The following CDH13 variants were observed in gnomAD, a reference collection of about 807,000 sequenced individuals.
CDH13 encodes the protein cadherin 13.
Under a neutral mutation model 63.8 loss-of-function variants are expected in CDH13, and 24 were observed. The observed-to-expected ratio is 0.38, with a 90% confidence interval of 0.27 to 0.53. The LOEUF (loss-of-function observed/expected upper bound fraction) is 0.53. Among genes scored for constraint, CDH13 ranks in the 20% least tolerant of loss-of-function variants. The pLI, the probability that CDH13 is intolerant of heterozygous loss-of-function variation, is 0.85. For missense variants in CDH13, 1,049 were observed against 903.1 expected (o/e 1.16, Z -2.07); for synonymous variants, 503 against 355.3 (o/e 1.42, Z -4.67).
chr16:82,673,435 A>T (rs915851362), intron 1 of CDH13, among the ~76,000 whole-genome samples: 2 of 152,164 alleles, frequency 1.3e-5, no homozygotes, highest in South Asian at 2.1e-4. Flanking sequence ...GGGAATTAAA[A>T]TTTTTTGCAC....
intron 6 of CDH13, among the ~76,000 whole-genome samples, chr16:83,462,570 G>A (rs2073208316): frequency 6.6e-6 from 1 of 152,188 alleles, no homozygotes; most frequent in Non-Finnish European, 1.5e-5. Flanking sequence ...GGCCAACATG[G>A]TGAAACCCCA....
intron 3 of CDH13, among the ~76,000 whole-genome samples, chr16:83,108,034 G>C (rs1017323352): frequency 6.6e-6 from 1 of 152,030 alleles, no homozygotes; most frequent in Non-Finnish European, 1.5e-5. Flanking sequence ...TCTTGGACAG[G>C]CTGGTCTTGA....
At chr16:83,320,533 C>A (rs1009749877) in intron 5 of CDH13, among the ~76,000 whole-genome samples, 2 of 152,116 alleles carry the variant, frequency 1.3e-5, no homozygotes, top group African/African-American at 2.4e-5. Context: ...ATCAGATAAT[C>A]GTCTAAAAAT....
intron 1 of CDH13, among the ~76,000 whole-genome samples, chr16:82,684,110 G>A (rs1332486012): frequency 6.6e-6 from 1 of 152,192 alleles, no homozygotes; most frequent in Admixed American, 6.5e-5. Context: ...AACCAGACAG[G>A]GAGTTAGAGG....
At chr16:82,658,013 G>T (rs914557826) in intron 1 of CDH13, among the ~76,000 whole-genome samples, 2 of 152,340 alleles carry the variant, frequency 1.3e-5, no homozygotes, top group Non-Finnish European at 2.9e-5. Flanking sequence ...AGGAAAGCTA[G>T]TTTCCTACCA....
At chr16:83,039,567 T>C (rs1917159344) in intron 3 of CDH13, among the ~76,000 whole-genome samples, 1 of 152,180 alleles carries the variant, frequency 6.6e-6, no homozygotes, top group Non-Finnish European at 1.5e-5. Flanking sequence ...CTTGGATGAA[T>C]ATAGGAACAG....
chr16:82,971,350 C>A (rs1775385277), intron 2 of CDH13, among the ~76,000 whole-genome samples: 3 of 152,136 alleles, frequency 2.0e-5, no homozygotes, highest in African/African-American at 7.2e-5. Flanking sequence ...ATGTAGTGCT[C>A]CCATCACCTT....
At chr16:83,147,010 C>A (rs1198084128) in intron 4 of CDH13, among the ~76,000 whole-genome samples, 7 of 152,092 alleles carry the variant, frequency 4.6e-5, no homozygotes, top group African/African-American at 7.2e-5. Context: ...ATTGCTTGAA[C>A]TCAAGAGGTG....
intron 2 of CDH13, among the ~76,000 whole-genome samples, chr16:82,892,239 A>T (rs777260619): frequency 1.3e-5 from 2 of 152,198 alleles, no homozygotes; most frequent in Non-Finnish European, 2.9e-5. Context: ...AACGCTTAGG[A>T]TGGTGGTGGA....
intron 11 of CDH13, among the ~76,000 whole-genome samples, chr16:83,756,567 T>C (rs908979590): frequency 3.9e-5 from 6 of 152,204 alleles, no homozygotes; most frequent in African/African-American, 1.4e-4. Context: ...GCTTTTTTTA[T>C]AGCTCTTCAG....
At chr16:82,848,393 A>G (rs1223430014) in intron 1 of CDH13, among the ~76,000 whole-genome samples, 1 of 152,144 alleles carries the variant, frequency 6.6e-6, no homozygotes, top group Non-Finnish European at 1.5e-5. Flanking sequence ...ATCAGCTTTC[A>G]CCTTGACAAC....
At chr16:83,666,445 T>C (rs1293625422) in intron 8 of CDH13, among the ~76,000 whole-genome samples, 1 of 152,248 alleles carries the variant, frequency 6.6e-6, no homozygotes, top group Non-Finnish European at 1.5e-5. Flanking sequence ...TAAAGATTTT[T>C]TTTTTCTGTA....
rs1044731272 is a variant in CDH13, at chr16:82,836,178, G to C, written c.46-22184G>C. On this transcript the variant is annotated intron_variant, in intron 1 of 13. Coordinates refer to ENST00000567109, the MANE Select transcript of CDH13 (RefSeq NM_001257.5). The stretch of plus-strand genomic sequence containing the variant: ...TTTCACTCTTGTTGCCCAGACTGGA[G>C]TGCATTGGCGCCCAGGCTGGAGTGC... 7.9e-5 allele frequency among the ~76,000 whole-genome samples: 12 copies of C among 152,122 alleles called. 1 individual carries two copies. Among genetic ancestry groups the C allele is most frequent in the Admixed American group, 7.9e-4 (12 of 15,270 alleles).
At chr16:83,450,977 G>C (rs578154271) in intron 6 of CDH13, among the ~76,000 whole-genome samples, 2 of 152,194 alleles carry the variant, frequency 1.3e-5, no homozygotes, top group South Asian at 2.1e-4. Context: ...CCATATGGCT[G>C]AGCCGCACCC....
chr16:83,296,323 T>C (rs1282567888), intron 5 of CDH13, among the ~76,000 whole-genome samples: 1 of 152,220 alleles, frequency 6.6e-6, no homozygotes, highest in Non-Finnish European at 1.5e-5. Context: ...TATCCCACTC[T>C]AGGTCAGTCA....
At chr16:82,710,286 A>G (rs1300872313) in intron 1 of CDH13, among the ~76,000 whole-genome samples, 2 of 146,036 alleles carry the variant, frequency 1.4e-5, no homozygotes, top group Non-Finnish European at 1.5e-5. Context: ...ATGTTTAATT[A>G]TATATAATAG....
At chr16:82,842,126 A>G (rs2039045728) in intron 1 of CDH13, among the ~76,000 whole-genome samples, 1 of 48,252 alleles carries the variant, frequency 2.1e-5, no homozygotes, top group African/African-American at 7.0e-5. Flanking sequence ...ATATATATAT[A>G]TATATATATA....
At chr16:83,486,411 G>A (rs780764256) in intron 6 of CDH13, 66 bp from the exon 7 acceptor site, 10 of 1,432,644 alleles carry the variant, frequency 7.0e-6, no homozygotes, top group Non-Finnish European at 9.6e-7. Context: ...CCCAGGTGGG[G>A]AAGGGGCTCT....
At chr16:83,426,907 CTTTTTTTTTT>C (rs71148833) in intron 6 of CDH13, among the ~76,000 whole-genome samples, 1,402 of 63,108 alleles carry the variant, frequency 0.022, 10 homozygotes, top group African/African-American at 0.094. Flanking sequence ...ATGTTTCTTT[CTTTTTTTTTT>C]TTTTTTTTTT....
Sources: gnomAD v4.1 joint callset for allele counts (sites outside exome capture counted in the v4.1 genomes callset) on GRCh38, gnomAD v4.1.1 for gene constraint, MANE v1.5 for transcripts, NCBI Gene and HGNC (gene_info 2026-07-23, HGNC 2026-07-21) for gene names.